UBAC2: variants seen among roughly 807,000 people sequenced by gnomAD.
The protein encoded by UBAC2 is ubiquitin-associated domain-containing protein 2.
UBAC2 carries 26 observed loss-of-function variants against 44.0 expected under a neutral mutation model. The ratio of observed to expected loss-of-function variants is 0.59; its 90% CI spans 0.43 to 0.82. The LOEUF is 0.82. UBAC2 is among the 40% of genes least tolerant of loss of function. The pLI, the probability that UBAC2 is intolerant of heterozygous loss-of-function variation, is 0.00. For synonymous variants in UBAC2, 155 were observed against 154.3 expected, an observed-to-expected ratio of 1.00 and a Z score of -0.04; for missense variants, 329 against 419.4, an observed-to-expected ratio of 0.78 and a Z score of 1.88.
At chr13:99,337,310 A>C (rs1310648329) in intron 6 of UBAC2, among the ~76,000 whole-genome samples, 1 of 151,890 alleles carries the variant, frequency 6.6e-6, no homozygotes, top group Non-Finnish European at 1.5e-5. Flanking sequence ...TATTATCACT[A>C]GGGTTGGTTT....
chr13:99,201,415 T>A, intron 1 of UBAC2: 1 of 1,611,918 alleles, frequency 6.2e-7, no homozygotes, highest in Non-Finnish European at 8.5e-7. Flanking sequence ...CACTTGGATG[T>A]GTTTCTTCTT....
At chr13:99,350,196 A>G (rs1335685215) in intron 7 of UBAC2, among the ~76,000 whole-genome samples, 1 of 152,228 alleles carries the variant, frequency 6.6e-6, no homozygotes, top group Non-Finnish European at 1.5e-5. Context: ...AATTTGTATT[A>G]TGACTACTCT....
At chr13:99,223,861 TA>T (rs1566454353) in intron 1 of UBAC2, among the ~76,000 whole-genome samples, 1 of 152,184 alleles carries the variant, frequency 6.6e-6, no homozygotes, top group East Asian at 1.9e-4. Flanking sequence ...TATATGATTT[TA>T]ATTCCTTTAA....
At position 99,295,434 on chromosome 13, in the gene UBAC2, C is replaced by T. The variant is rs760663891; in HGVS notation, c.390-18663C>T. On this transcript the variant is annotated intron_variant, in intron 4 of 8. Coordinates refer to ENST00000403766, the MANE Select transcript of UBAC2 (RefSeq NM_001144072.2). This position sits in a 1 kb window ranked among gnomAD's most constrained non-coding sequence, Gnocchi z 4.1. ...ATTGTGTTGAGAGCCTTTTTGTTTA[C>T]ACCAGATTTCTCAGTGAGTGGGTTT... 6.2e-7 allele frequency: 1 copy of T among 1,614,026 alleles called. No individual in the cohort carries two copies. The highest frequency in any genetic ancestry group is 1.1e-5 in the South Asian group (1 of 91,078).
Position 99,246,179 on chromosome 13 carries a change from TTTGTGAATTATAGTTG to T in UBAC2, c.389+1556_389+1571del, listed in dbSNP as rs1469194118. On this transcript the variant is annotated intron_variant, in intron 4 of 8. Coordinates refer to ENST00000403766, the MANE Select transcript of UBAC2 (RefSeq NM_001144072.2). ...GTTAATGTTTACAGTGTAGCTGCCT[TTTGTGAATTATAGTTG>T]GTGTGAATATCCATGAATGTTGACC... Among the ~76,000 whole-genome samples, 7 of 152,312 alleles carry T rather than the reference TTTGTGAATTATAGTTG, an allele frequency of 4.6e-5. No individual in the cohort carries two copies. In the East Asian group the frequency reaches 1.3e-3, roughly 29 times the overall value.
intron 4 of UBAC2, among the ~76,000 whole-genome samples, chr13:99,303,728 A>G (rs1343927486): frequency 6.6e-6 from 1 of 152,118 alleles, no homozygotes; most frequent in Non-Finnish European, 1.5e-5. Context: ...TTTCTCTTTC[A>G]AGTTCAAGGA....
intron 8 of UBAC2, among the ~76,000 whole-genome samples, chr13:99,369,128 A>C (rs529853711): frequency 6.6e-6 from 1 of 152,362 alleles, no homozygotes; most frequent in South Asian, 2.1e-4. Context: ...TGGAATGTCA[A>C]GTAATAAATA....
intron 6 of UBAC2, among the ~76,000 whole-genome samples, chr13:99,330,526 A>G (rs938245095): frequency 6.6e-6 from 1 of 150,788 alleles, no homozygotes; most frequent in African/African-American, 2.4e-5. Context: ...CAACTTTTCT[A>G]AATGTGTTTA....
chr13:99,360,915 C>T (rs930746574), intron 7 of UBAC2, among the ~76,000 whole-genome samples: 1 of 152,174 alleles, frequency 6.6e-6, no homozygotes, highest in African/African-American at 2.4e-5. Flanking sequence ...GACCGCGTGC[C>T]TGGCTCACAC....
chr13:99,265,103 A>T (rs2138652776), intron 4 of UBAC2, among the ~76,000 whole-genome samples: 1 of 152,236 alleles, frequency 6.6e-6, no homozygotes, highest in East Asian at 1.9e-4. Flanking sequence ...TTGGTAATAA[A>T]ACTGCATTGA....
At chr13:99,313,893 G>A (rs1251720712) in intron 4 of UBAC2, among the ~76,000 whole-genome samples, 1 of 152,142 alleles carries the variant, frequency 6.6e-6, no homozygotes, top group East Asian at 1.9e-4. Flanking sequence ...GGGTCAATAA[G>A]GATAGAATGA....
intron 4 of UBAC2, among the ~76,000 whole-genome samples, 153 bp from the exon 5 acceptor site, chr13:99,313,944 T>G (rs952177324): frequency 1.3e-5 from 2 of 152,258 alleles, no homozygotes; most frequent in Admixed American, 6.5e-5. Context: ...CAAATTATTT[T>G]GGACATGAAT....
At chr13:99,384,531 C>T (rs1450552702) in intron 8 of UBAC2, among the ~76,000 whole-genome samples, 1 of 152,248 alleles carries the variant, frequency 6.6e-6, no homozygotes, top group Non-Finnish European at 1.5e-5. Context: ...CTTGTTCCTC[C>T]CTGCTTCTGG....
rs558718967 is a variant in UBAC2 at position 99,273,707 on chromosome 13, C to T, written c.389+29083C>T. Reference sequence around the variant, plus strand: ...AGCAGATTCATCCATTTGGGTTGTACACTTGGTGTGGGCCCTGTCAAACAG... The same window carrying T: ...AGCAGATTCATCCATTTGGGTTGTATACTTGGTGTGGGCCCTGTCAAACAG... On this transcript the variant is annotated intron_variant, in intron 4 of 8. Coordinates refer to ENST00000403766, the MANE Select transcript of UBAC2 (RefSeq NM_001144072.2). Among the ~76,000 whole-genome samples, 5 of 152,126 alleles carry T rather than the reference C, an allele frequency of 3.3e-5. No individual in the cohort carries two copies. The East Asian group carries it at 7.7e-4, about 24-fold the overall frequency.
At chr13:99,247,284 G>A (rs889104524) in intron 4 of UBAC2, among the ~76,000 whole-genome samples, 5 of 151,006 alleles carry the variant, frequency 3.3e-5, no homozygotes, top group Non-Finnish European at 7.4e-5. Context: ...GCGCGATCTC[G>A]GCTCACTGCA....
intron 6 of UBAC2, among the ~76,000 whole-genome samples, chr13:99,323,391 A>G (rs1459587055): frequency 6.6e-6 from 1 of 152,196 alleles, no homozygotes; most frequent in African/African-American, 2.4e-5. Context: ...GCTTGAGCCC[A>G]AGAGTTCAAC....
intron 8 of UBAC2, among the ~76,000 whole-genome samples, chr13:99,375,911 C>G (rs1177666238): frequency 6.7e-6 from 1 of 150,270 alleles, no homozygotes; most frequent in Non-Finnish European, 1.5e-5. Flanking sequence ...TCAAGCCATC[C>G]TCCCAACTCT....
intron 2 of UBAC2, among the ~76,000 whole-genome samples, chr13:99,242,950 G>A (rs2043336373): frequency 6.7e-6 from 1 of 149,802 alleles, no homozygotes; most frequent in Non-Finnish European, 1.5e-5. Context: ...TCCTAGATGG[G>A]ATGGCGGCCG....
chr13:99,263,273 G>A lies in UBAC2; in HGVS notation c.389+18649G>A, dbSNP rs140433464. On this transcript the variant is annotated intron_variant, in intron 4 of 8. Transcript: ENST00000403766. ...AATGAGTTGATATTCTCAAGGAAAGGTTTTATAGCTGGATCCTGGCAGCTC... is the reference window on the plus strand; with the variant it reads ...AATGAGTTGATATTCTCAAGGAAAGATTTTATAGCTGGATCCTGGCAGCTC... Among the ~76,000 whole-genome samples, 104 of 152,250 alleles carry A rather than the reference G, an allele frequency of 6.8e-4. No individual in the cohort carries two copies. In the Middle Eastern group the frequency reaches 0.01, roughly 15 times the overall value.
Sources: allele counts gnomAD v4.1 joint callset (sites outside exome capture counted in the v4.1 genomes callset), GRCh38; gene constraint gnomAD v4.1.1; non-coding constraint Gnocchi (gnomAD v3.1); transcripts MANE v1.5; gene names NCBI Gene and HGNC (gene_info 2026-07-23, HGNC 2026-07-21).